PDE4B: variants seen among roughly 807,000 people sequenced by gnomAD.
PDE4B encodes phosphodiesterase 4B, also known as 3',5'-cyclic-AMP phosphodiesterase 4B.
Under a neutral mutation model 82.2 loss-of-function variants are expected in PDE4B, and 20 were observed. The ratio of observed to expected loss-of-function variants is 0.24; its 90% CI spans 0.17 to 0.35. PDE4B has a LOEUF of 0.35. Among genes scored for constraint, PDE4B ranks in the 10% least tolerant of loss-of-function variants. The pLI, the probability that PDE4B is intolerant of heterozygous loss-of-function variation, is 1.00. For missense variants in PDE4B, 655 were observed against 907.2 expected, an observed-to-expected ratio of 0.72 and a Z score of 3.57; for synonymous variants, 320 against 318.9, an observed-to-expected ratio of 1.00 and a Z score of -0.04.
At chr1:65,845,867 A>C (rs1646262644) in intron 1 of PDE4B, among the ~76,000 whole-genome samples, 1 of 151,922 alleles carries the variant, frequency 6.6e-6, no homozygotes, top group Non-Finnish European at 1.5e-5. Context: ...AACCATGAGA[A>C]CTCCTCCAAC....
intron 3 of PDE4B, among the ~76,000 whole-genome samples, chr1:66,022,485 G>A (rs537883106): frequency 2.0e-5 from 3 of 152,216 alleles, no homozygotes; most frequent in Non-Finnish European, 2.9e-5. Context: ...TATGCCATCA[G>A]TACCTAATTT....
chr1:66,353,600 A>C (rs919131329), intron 8 of PDE4B, among the ~76,000 whole-genome samples: 2 of 152,048 alleles, frequency 1.3e-5, no homozygotes, highest in Admixed American at 6.6e-5. Flanking sequence ...AACAGAGGGG[A>C]AAGATGAGGA....
intron 3 of PDE4B, among the ~76,000 whole-genome samples, chr1:65,933,480 G>A (rs1647952245): frequency 6.6e-6 from 1 of 152,118 alleles, no homozygotes; most frequent in Admixed American, 6.5e-5. Flanking sequence ...ATCACTTGAG[G>A]TCAGGAGTTA....
chr1:66,000,252 G>C (rs764716925), intron 3 of PDE4B, among the ~76,000 whole-genome samples: 1 of 152,138 alleles, frequency 6.6e-6, no homozygotes, highest in Non-Finnish European at 1.5e-5. Flanking sequence ...TTGTATGGGG[G>C]AATCTACTTG....
chr1:66,123,520 C>T (rs1645755345), intron 3 of PDE4B, among the ~76,000 whole-genome samples: 1 of 151,440 alleles, frequency 6.6e-6, no homozygotes, highest in Non-Finnish European at 1.5e-5. Context: ...CTCCCTCCTC[C>T]CCTCCCTCCT....
chr1:66,247,372 G>C (rs545900956), intron 3 of PDE4B, 88 bp from the exon 4 acceptor site: 1 of 812,292 alleles, frequency 1.2e-6, no homozygotes, highest in African/African-American at 1.7e-5. Context: ...TTAGTGTATA[G>C]TACCTGCCAC....
At chr1:65,798,766 G>A (rs1225596963) in intron 1 of PDE4B, among the ~76,000 whole-genome samples, 3 of 152,168 alleles carry the variant, frequency 2.0e-5, no homozygotes, top group African/African-American at 7.2e-5. Flanking sequence ...TGGAGACATA[G>A]TTTAAACCTT....
chr1:66,105,425 T>C (rs1645328371), intron 3 of PDE4B, among the ~76,000 whole-genome samples: 1 of 152,094 alleles, frequency 6.6e-6, no homozygotes, highest in Non-Finnish European at 1.5e-5. Context: ...CGATGCGGGC[T>C]CTTTTTTGGT....
chr1:66,108,213 A>C (rs1645410665), intron 3 of PDE4B, among the ~76,000 whole-genome samples: 1 of 151,942 alleles, frequency 6.6e-6, no homozygotes, highest in Non-Finnish European at 1.5e-5. Context: ...GGGTCTTCCC[A>C]ATCCCTGTCA....
intron 3 of PDE4B, among the ~76,000 whole-genome samples, chr1:66,146,057 C>G (rs560355003): frequency 6.6e-6 from 1 of 151,952 alleles, no homozygotes; most frequent in East Asian, 1.9e-4. Flanking sequence ...CTGGAAGTAA[C>G]CTTTAACATC....
intron 3 of PDE4B, among the ~76,000 whole-genome samples, chr1:66,192,182 A>G (rs561610884): frequency 5.3e-5 from 8 of 151,696 alleles, no homozygotes; most frequent in Non-Finnish European, 1.2e-4. Context: ...AAACTGTTCT[A>G]TCTCTCTCTC....
chr1:66,218,218 A>G (rs914515740), intron 3 of PDE4B, among the ~76,000 whole-genome samples: 1 of 152,108 alleles, frequency 6.6e-6, no homozygotes, highest in Non-Finnish European at 1.5e-5. Flanking sequence ...AAGGACAAGG[A>G]GGAAGCTAGG....
At position 66,109,399 on chromosome 1, in the gene PDE4B, G is replaced by A. The variant is rs527347513; in HGVS notation, c.282-138061G>A. Among the ~76,000 whole-genome samples the A allele has an allele frequency of 4.6e-5, 7 of 151,884 alleles. No individual in the cohort carries two copies. The East Asian group carries it at 9.7e-4, about 21-fold the overall frequency. The stretch of plus-strand genomic sequence containing the variant: ...TTTTGAAAGCTGGAGAGATGAGGAT[G>A]GGGGAATGAAGGAGCAGTAAGGTTT... On this transcript the variant is annotated intron_variant, in intron 3 of 16. Coordinates refer to ENST00000341517, the MANE Select transcript of PDE4B (RefSeq NM_002600.4).
chr1:65,805,818 A>C (rs2101178914), intron 1 of PDE4B, among the ~76,000 whole-genome samples: 1 of 152,290 alleles, frequency 6.6e-6, no homozygotes, highest in Admixed American at 6.5e-5. Context: ...GCCATTAAGA[A>C]GTTTGATGCT....
At chr1:65,952,767 A>G (rs969026598) in intron 3 of PDE4B, among the ~76,000 whole-genome samples, 1 of 152,136 alleles carries the variant, frequency 6.6e-6, no homozygotes, top group Admixed American at 6.6e-5. Context: ...TTTTCACTCA[A>G]CCACGTTGAT....
At chr1:65,897,959 T>C (rs1271487837) in intron 1 of PDE4B, among the ~76,000 whole-genome samples, 1 of 152,014 alleles carries the variant, frequency 6.6e-6, no homozygotes, top group Non-Finnish European at 1.5e-5. Context: ...CAACAGTGTA[T>C]ATAAGCCTTC....
intron 7 of PDE4B, chr1:66,331,677 T>C (rs548263681): frequency 6.8e-6 from 6 of 877,242 alleles, no homozygotes; most frequent in Admixed American, 6.2e-5. Flanking sequence ...TGTTCACATC[T>C]GGCTCCACCT....
At chr1:66,106,677 G>T (rs995839524) in intron 3 of PDE4B, among the ~76,000 whole-genome samples, 1 of 152,100 alleles carries the variant, frequency 6.6e-6, no homozygotes, top group African/African-American at 2.4e-5. Context: ...GAGGGCGTAT[G>T]TGTTGAGAAA....
At chr1:66,144,047 A>C (rs1186294837) in intron 3 of PDE4B, among the ~76,000 whole-genome samples, 3 of 152,224 alleles carry the variant, frequency 2.0e-5, no homozygotes, top group African/African-American at 4.8e-5. Flanking sequence ...AGCTAAATTG[A>C]ATCCTTACTG....
Sources: allele counts gnomAD v4.1 joint callset (sites outside exome capture counted in the v4.1 genomes callset), GRCh38; gene constraint gnomAD v4.1.1; transcripts MANE v1.5; gene names NCBI Gene and HGNC (gene_info 2026-07-23, HGNC 2026-07-21).